Variants in COL11A1 observed in about 807,000 individuals in gnomAD.
The protein encoded by COL11A1 is collagen alpha-1(XI) chain.
A neutral mutation model predicts 265.2 loss-of-function variants in COL11A1; 74 were observed. The observed-to-expected ratio is 0.28, with a 90% CI of 0.23 to 0.34. The LOEUF is 0.34. COL11A1 is among the 10% of genes least tolerant of loss of function. COL11A1 has a pLI of 1.00. For synonymous variants in COL11A1, 816 were observed against 727.6 expected, an observed-to-expected ratio of 1.12 and a Z score of -1.96; for missense variants, 2,165 against 2,263.6, an observed-to-expected ratio of 0.96 and a Z score of 0.88.
chr1:103,026,969 C>A (rs967083881), intron 5 of COL11A1, among the ~76,000 whole-genome samples: 1 of 151,808 alleles, frequency 6.6e-6, no homozygotes, highest in Admixed American at 6.6e-5. Flanking sequence ...AAAAAGAGCA[C>A]AAAATCCTTG....
In COL11A1 at chr1:103,015,739, G is replaced by T. The variant is rs1180040869; in HGVS notation, c.1417C>A (p.Pro473Thr). 6.3e-7 allele frequency: 1 copy of T among 1,597,946 alleles called. No individual in the cohort carries two copies. Among genetic ancestry groups the T allele is most frequent in the Non-Finnish European group, 8.5e-7 (1 of 1,170,790 alleles). The change falls in exon 12 of 67, where the codon CCC becomes ACC. Residue 473 changes from proline to threonine, a missense_variant. Transcript: ENST00000370096. ...GPPGDPGDRG[P>T]PGRPGLPGAD... ...CCTGGTAAGCCAGGACGTCCTGGGG[G>T]GCCCTAGAAAAATAAATGAAATAAC...
intron 46 of COL11A1, among the ~76,000 whole-genome samples, chr1:102,924,722 A>G (rs1441820635): frequency 6.6e-6 from 1 of 152,204 alleles, no homozygotes; most frequent in Non-Finnish European, 1.5e-5. Context: ...CAAAAGTTTA[A>G]TCTTAGAAAA....
intron 4 of COL11A1, among the ~76,000 whole-genome samples, chr1:103,040,056 G>T (rs1455802783): frequency 6.6e-6 from 1 of 151,472 alleles, no homozygotes. Flanking sequence ...AATTTAAAGA[G>T]GACAAATTTT....
intron 57 of COL11A1, among the ~76,000 whole-genome samples, chr1:102,893,250 T>G (rs1361212434): frequency 6.6e-6 from 1 of 152,132 alleles, no homozygotes; most frequent in Non-Finnish European, 1.5e-5. Flanking sequence ...GAAAAATATA[T>G]TAGACATTAT....
intron 41 of COL11A1, among the ~76,000 whole-genome samples, chr1:102,961,403 C>G (rs898963183): frequency 2.6e-5 from 4 of 152,046 alleles, no homozygotes; most frequent in Non-Finnish European, 4.4e-5. Flanking sequence ...GTATCATTGA[C>G]AAATTCAAGT....
intron 4 of COL11A1, among the ~76,000 whole-genome samples, chr1:103,052,271 C>A (rs1291871842): frequency 1.3e-5 from 2 of 152,034 alleles, no homozygotes; most frequent in African/African-American, 4.8e-5. Flanking sequence ...CTAAAAAAAA[C>A]CTTAATGTTT....
intron 51 of COL11A1, 142 bp downstream of exon 51, chr1:102,914,562 G>T: frequency 1.1e-6 from 1 of 944,076 alleles, no homozygotes; most frequent in Non-Finnish European, 1.6e-6. Flanking sequence ...ATTCAATTGA[G>T]AATGCTTACG....
At chr1:102,896,688 A>C (rs1652475733) in intron 57 of COL11A1, among the ~76,000 whole-genome samples, 1 of 152,188 alleles carries the variant, frequency 6.6e-6, no homozygotes, top group Non-Finnish European at 1.5e-5. Flanking sequence ...AAAGACAAAA[A>C]TACAAAAGTT....
intron 4 of COL11A1, among the ~76,000 whole-genome samples, chr1:103,041,735 G>A (rs1668825184): frequency 6.6e-6 from 1 of 151,912 alleles, no homozygotes; most frequent in South Asian, 2.1e-4. Context: ...GGTGTCAAAT[G>A]TGAAAACCTG....
intron 54 of COL11A1, among the ~76,000 whole-genome samples, chr1:102,910,758 C>A (rs1371463287): frequency 2.6e-5 from 4 of 151,852 alleles, no homozygotes; most frequent in African/African-American, 9.7e-5. Context: ...ACAGAAAATA[C>A]ACAATTTGCC....
intron 54 of COL11A1, among the ~76,000 whole-genome samples, chr1:102,899,412 A>C (rs1489049943): frequency 6.6e-6 from 1 of 152,150 alleles, no homozygotes; most frequent in African/African-American, 2.4e-5. Flanking sequence ...TAATCTTAGA[A>C]TATGTATATG....
chr1:102,997,910 C>T (rs1187682555), intron 25 of COL11A1, among the ~76,000 whole-genome samples: 2 of 151,670 alleles, frequency 1.3e-5, no homozygotes, highest in South Asian at 4.1e-4. Context: ...CTCATAGAAA[C>T]AGATACTTTG....
At chr1:102,950,006 C>CAGA (rs770369609) in intron 41 of COL11A1, among the ~76,000 whole-genome samples, 5 of 152,174 alleles carry the variant, frequency 3.3e-5, no homozygotes, top group Non-Finnish European at 7.4e-5. Context: ...ATTAGAATCT[C>CAGA]TGCTCTTGGC....
At chr1:102,942,004 AATTT>A (rs1658774414) in intron 42 of COL11A1, among the ~76,000 whole-genome samples, 2 of 152,294 alleles carry the variant, frequency 1.3e-5, no homozygotes, top group South Asian at 4.1e-4. Context: ...ATTGTTAACT[AATTT>A]ATTACTTGCC....
At chr1:102,898,021 A>T in intron 57 of COL11A1, 104 bp downstream of exon 57, 1 of 631,598 alleles carries the variant, frequency 1.6e-6, no homozygotes, top group East Asian at 3.8e-5. Flanking sequence ...CTATTAGAAA[A>T]AATACAAACC....
intron 57 of COL11A1, among the ~76,000 whole-genome samples, chr1:102,895,014 G>C (rs1399671801): frequency 2.0e-5 from 3 of 152,092 alleles, no homozygotes; most frequent in Admixed American, 2.0e-4. Context: ...GTGAGTGTGT[G>C]TGTGTACACC....
chr1:102,911,533 T>C (rs1399910115), intron 54 of COL11A1, among the ~76,000 whole-genome samples: 1 of 152,154 alleles, frequency 6.6e-6, no homozygotes, highest in Non-Finnish European at 1.5e-5. Flanking sequence ...GTGAGATAGC[T>C]GCTGTAAGAG....
intron 46 of COL11A1, among the ~76,000 whole-genome samples, chr1:102,933,997 C>T (rs1372528658): frequency 1.3e-5 from 2 of 151,860 alleles, no homozygotes; most frequent in Admixed American, 1.3e-4. Flanking sequence ...TCTGGCACTC[C>T]CTAGTGAGAT....
At chr1:102,936,679 A>G (rs1158590160) in intron 44 of COL11A1, among the ~76,000 whole-genome samples, 1 of 152,204 alleles carries the variant, frequency 6.6e-6, no homozygotes, top group Non-Finnish European at 1.5e-5. Context: ...GAAATCAATA[A>G]TTTCCAAATT....
Sources: allele counts gnomAD v4.1 joint callset (sites outside exome capture counted in the v4.1 genomes callset), GRCh38; gene constraint gnomAD v4.1.1; transcripts MANE v1.5; gene names NCBI Gene and HGNC (gene_info 2026-07-23, HGNC 2026-07-21).